The following LAP3 variants were observed in gnomAD, a reference collection of about 807,000 sequenced individuals.
The protein encoded by LAP3 is cytosol aminopeptidase.
Under a neutral mutation model 58.8 loss-of-function variants are expected in LAP3, and 46 were observed. That is an observed-to-expected ratio of 0.78 (90% confidence interval 0.62 to 1.00). LAP3 has a LOEUF of 1.00. Among genes scored for constraint, LAP3 ranks in the 50% least tolerant of loss-of-function variants. The pLI, the probability that LAP3 is intolerant of heterozygous loss-of-function variation, is 0.00. For synonymous variants in LAP3, 257 were observed against 237.7 expected, an observed-to-expected ratio of 1.08 and a Z score of -0.75; for missense variants, 615 against 659.1, an observed-to-expected ratio of 0.93 and a Z score of 0.73.
chr4:17,584,469 G>T (rs910968913), intron 5 of LAP3, among the ~76,000 whole-genome samples: 3 of 152,162 alleles, frequency 2.0e-5, no homozygotes, highest in East Asian at 1.9e-4. Flanking sequence ...TCTAAAGCTG[G>T]TCCTGCTTAC....
At chr4:17,583,407 A>G (rs1713415926) in intron 4 of LAP3, 76 bp from the exon 5 acceptor site, 2 of 1,525,896 alleles carry the variant, frequency 1.3e-6, no homozygotes, top group African/African-American at 2.8e-5. Context: ...TCAGCACATC[A>G]CATCATGCCT....
rs1455843554 is a variant in LAP3 at position 17,593,614 on chromosome 4, T to TTTTTTTG, written c.864-1790_864-1789insGTTTTTT. Among the ~76,000 whole-genome samples, 149 of 134,786 alleles carry TTTTTTTG rather than the reference T, an allele frequency of 1.1e-3. 6 individuals carry two copies. The highest frequency in any genetic ancestry group is 3.1e-4 in the Admixed American group (4 of 13,008). 88.4% of individuals were successfully genotyped at this position (134,786 alleles called of 152,430 possible). A position where few individuals can be genotyped will look rare whatever the true frequency, so the allele number is the denominator to read the frequency against. ...ACATTTTAGAATCTGCTTGGGTTTT[T>TTTTTTTG]TTTTTTTTTTTTTTTGAGACAGTGT... On this transcript the variant is annotated intron_variant, in intron 7 of 12. Coordinates refer to ENST00000226299, the MANE Select transcript of LAP3 (RefSeq NM_015907.3).
Position 17,604,641 on chromosome 4 carries a change from T to G in LAP3, c.1234T>G (p.Ser412Ala). 1 of 1,613,662 alleles carries G rather than the reference T, an allele frequency of 6.2e-7. No individual in the cohort carries two copies. Among genetic ancestry groups the G allele is most frequent in the Non-Finnish European group, 8.5e-7 (1 of 1,179,574 alleles). Residue 412 changes from serine to alanine, a missense_variant, in exon 11 of 13, where the codon TCC becomes GCC. Transcript: ENST00000226299. ...TGCCACTGGGGTCTTTACCAATTCA[T>G]CCTGGCTCTGGAACAAACTCTTCGA... ...SGATGVFTNS[S>A]WLWNKLFEAS...
chr4:17,593,178 T>C (rs1713738403), intron 7 of LAP3, among the ~76,000 whole-genome samples: 1 of 152,234 alleles, frequency 6.6e-6, no homozygotes, highest in Non-Finnish European at 1.5e-5. Flanking sequence ...TGCCCCTTTT[T>C]ATAGGAGTGT....
intron 4 of LAP3, 173 bp from the exon 5 acceptor site, chr4:17,583,310 C>T (rs1713412751): frequency 2.9e-6 from 2 of 699,996 alleles, no homozygotes; most frequent in East Asian, 5.0e-5. Context: ...CTGTAAAATG[C>T]ACTCACGTCT....
chr4:17,603,790 A>T (rs1367408029), intron 10 of LAP3, among the ~76,000 whole-genome samples: 1 of 150,152 alleles, frequency 6.7e-6, no homozygotes, highest in African/African-American at 2.5e-5. Context: ...CTGGGATTAC[A>T]GGCGTGAGGC....
chr4:17,593,723 T>C (rs1354260875), intron 7 of LAP3, among the ~76,000 whole-genome samples: 2 of 147,670 alleles, frequency 1.4e-5, no homozygotes, highest in African/African-American at 5.0e-5. Context: ...GGTGATCCTC[T>C]CACCTCAACC....
At chr4:17,602,720 C>A (rs922138579) in intron 10 of LAP3, among the ~76,000 whole-genome samples, 11 of 151,966 alleles carry the variant, frequency 7.2e-5, no homozygotes, top group African/African-American at 2.7e-4. Flanking sequence ...GACGGAGTCT[C>A]ACTCTGTTGC....
Position 17,585,078 on chromosome 4 carries a change from G to A in LAP3, c.646G>A (p.Ala216Thr). 6.2e-7 allele frequency: 1 copy of A among 1,613,958 alleles called. No homozygotes were observed. Among genetic ancestry groups the A allele is most frequent in the Admixed American group, 1.7e-5 (1 of 59,998 alleles). Residue 216 changes from alanine to threonine, a missense_variant, in exon 6 of 13, where the codon GCT becomes ACT. Transcript: ENST00000226299. ...PANEMTPTRF[A>T]EIIEKNLKSA... ...CAATGAGATGACGCCAACCAGATTT[G>A]CTGAAATTATTGAGAAGAATCTCAA... is the stretch of plus-strand genomic sequence containing the variant.
In LAP3 at chr4:17,588,981, T is replaced by C. The variant is rs1294803621; in HGVS notation, c.863+4T>C. On this transcript the variant is annotated splice_donor_region_variant and intron_variant, in intron 7 of 12. Transcript: ENST00000226299. ...GGAAAGGAATTACCTTTGACAGGTATTTTTTATGGTGTCCGTGCTTTGTAT... is the reference window on the plus strand; with the variant it reads ...GGAAAGGAATTACCTTTGACAGGTACTTTTTATGGTGTCCGTGCTTTGTAT... 2.5e-6 allele frequency: 4 copies of C among 1,612,608 alleles called. No homozygotes were observed. The highest frequency in any genetic ancestry group is 1.7e-5 in the Admixed American group (1 of 59,902).
intron 7 of LAP3, among the ~76,000 whole-genome samples, chr4:17,590,923 CTTTTTTTTT>C (rs533480552): frequency 2.5e-5 from 2 of 81,184 alleles, no homozygotes; most frequent in Non-Finnish European, 4.6e-5. Context: ...GAAAGTTAAA[CTTTTTTTTT>C]TTTTTTTTTT....
At chr4:17,601,048 G>A (rs779022183) in intron 10 of LAP3, among the ~76,000 whole-genome samples, 21 of 152,150 alleles carry the variant, frequency 1.4e-4, no homozygotes, top group Admixed American at 1.2e-3. Flanking sequence ...TGACATATTC[G>A]GGGATGGCCA....
chr4:17,606,182 G>C (rs935644724), intron 11 of LAP3, among the ~76,000 whole-genome samples: 3 of 152,220 alleles, frequency 2.0e-5, no homozygotes, highest in East Asian at 1.9e-4. Context: ...TACAGGTCCA[G>C]TCGTGTGTTT....
chr4:17,600,410 G>C (rs3796814), intron 10 of LAP3, among the ~76,000 whole-genome samples: 87,151 of 147,482 alleles, frequency 0.59, 26,415 homozygotes, highest in East Asian at 0.87. Context: ...CTTCTAGGGT[G>C]GGGGGTTGGG....
chr4:17,586,513 C>T (rs910496881), intron 6 of LAP3, among the ~76,000 whole-genome samples: 1 of 152,170 alleles, frequency 6.6e-6, no homozygotes. Flanking sequence ...GTGGTTATGA[C>T]AGCCCCTCTG....
chr4:17,588,821 C>T lies in LAP3; in HGVS notation c.707C>T (p.Pro236Leu). The T allele has an allele frequency of 1.9e-6, 3 of 1,613,084 alleles. No homozygotes were observed. The highest frequency in any genetic ancestry group is 1.7e-5 in the Admixed American group (1 of 59,872). ...ASSKTEVHIR[P>L]KSWIEEQAMG... ...TTTTCCCTCTTTCTACCCTATAGAC[C>T]CAAGTCTTGGATTGAGGAACAGGCA... Residue 236 changes from proline to leucine, a missense_variant and splice_region_variant, in exon 7 of 13, where the codon CCC (proline) becomes CTC (leucine). Transcript: ENST00000226299.
Position 17,583,611 on chromosome 4 carries a change from A to G in LAP3, c.508A>G (p.Lys170Glu), listed in dbSNP as rs957133434. Residue 170 changes from lysine (K) to glutamate (E), a missense_variant, in exon 5 of 13, where the codon AAG becomes GAG. Lys to Glu is a moderately conservative substitution (Grantham distance 56). Coordinates refer to ENST00000226299, the MANE Select transcript of LAP3 (RefSeq NM_015907.3). ...YEYDDLKQKK[K>E]MAVSAKLYGS... ...ATACGATGACCTAAAGCAAAAAAAG[A>G]AGATGGCTGTGTCGGCAAAGCTCTA... The G allele has an allele frequency of 6.2e-7, 1 of 1,614,072 alleles. No homozygotes were observed. Among genetic ancestry groups the G allele is most frequent in the African/African-American group, 1.3e-5 (1 of 74,930 alleles).
intron 10 of LAP3, among the ~76,000 whole-genome samples, chr4:17,604,000 T>C (rs1316564292): frequency 6.6e-6 from 1 of 152,038 alleles, no homozygotes; most frequent in East Asian, 1.9e-4. Flanking sequence ...TTTGTATTTT[T>C]AGTAGAGACG....
chr4:17,588,705 G>A (rs1014897150), intron 6 of LAP3, 114 bp from the exon 7 acceptor site: 86 of 941,104 alleles, frequency 9.1e-5, no homozygotes, highest in Non-Finnish European at 4.7e-5. Context: ...CTTAATGTGC[G>A]TATACTTTAA....
Sources: allele counts gnomAD v4.1 joint callset (sites outside exome capture counted in the v4.1 genomes callset), GRCh38; gene constraint gnomAD v4.1.1; transcripts MANE v1.5; gene names NCBI Gene and HGNC (gene_info 2026-07-23, HGNC 2026-07-21).